Variants in MAPK10 observed in about 807,000 individuals in gnomAD.
MAPK10 encodes JNK3 alpha protein kinase.
A neutral mutation model predicts 59.3 loss-of-function variants in MAPK10; 25 were observed. The observed-to-expected ratio is 0.42, with a 90% CI of 0.31 to 0.59. MAPK10 has a LOEUF of 0.59. MAPK10 is among the 20% of genes least tolerant of loss of function. The pLI, the probability that MAPK10 is intolerant of heterozygous loss-of-function variation, is 0.15. For synonymous variants in MAPK10, 190 were observed against 200.5 expected, an observed-to-expected ratio of 0.95 and a Z score of 0.44; for missense variants, 351 against 568.9, an observed-to-expected ratio of 0.62 and a Z score of 3.90.
intron 1 of MAPK10, among the ~76,000 whole-genome samples, chr4:86,440,885 A>C (rs951594802): frequency 5.9e-5 from 9 of 152,182 alleles, no homozygotes; most frequent in Admixed American, 6.5e-5. Flanking sequence ...AAATATAATA[A>C]TTGATGTTTT....
chr4:86,480,113 A>T (rs546734374), intron 1 of MAPK10, among the ~76,000 whole-genome samples: 23 of 152,294 alleles, frequency 1.5e-4, no homozygotes, highest in Non-Finnish European at 2.6e-4. Flanking sequence ...TGTGACCTGC[A>T]CGTATACACC....
At chr4:86,068,025 T>A in intron 9 of MAPK10, 70 bp from the exon 10 acceptor site, 2 of 1,046,416 alleles carry the variant, frequency 1.9e-6, no homozygotes, top group Non-Finnish European at 2.8e-6. Context: ...GGAGACTAAC[T>A]CTTCTCAAAG....
In MAPK10 at chr4:86,038,203, G is replaced by A. The variant is rs116296798; in HGVS notation, c.1111-6772C>T. 3.0e-3 allele frequency among the ~76,000 whole-genome samples: 455 copies of A among 152,308 alleles called. 4 individuals carry two copies. The highest frequency in any genetic ancestry group is 0.011 in the African/African-American group (446 of 41,574). The stretch of plus-strand genomic sequence containing the variant: ...TCTGAACCATATGACAGTCCATCAA[G>A]TTGTTGGTGTTTGTCTGCTTTGTCC... On this transcript the variant is annotated intron_variant, in intron 11 of 13. Coordinates refer to ENST00000641462, the MANE Select transcript of MAPK10 (RefSeq NM_138982.4).
At chr4:86,534,041 C>T (rs1254590978) in intron 1 of MAPK10, among the ~76,000 whole-genome samples, 1 of 152,164 alleles carries the variant, frequency 6.6e-6, no homozygotes, top group African/African-American at 2.4e-5. Flanking sequence ...GCCATAACCA[C>T]TAAATTTATT....
At chr4:86,440,494 G>A (rs1749274678) in intron 1 of MAPK10, among the ~76,000 whole-genome samples, 1 of 152,040 alleles carries the variant, frequency 6.6e-6, no homozygotes, top group Admixed American at 6.6e-5. Context: ...AGCCAGGCAT[G>A]GTGGCACATG....
chr4:86,213,195 C>G (rs116276344), intron 2 of MAPK10, among the ~76,000 whole-genome samples: 2,406 of 152,120 alleles, frequency 0.016, 76 homozygotes, highest in African/African-American at 0.055. Context: ...TAAGCCACCA[C>G]AAAAGCAATG....
At chr4:86,540,281 C>A (rs1019495799) in intron 1 of MAPK10, among the ~76,000 whole-genome samples, 3 of 152,198 alleles carry the variant, frequency 2.0e-5, no homozygotes, top group African/African-American at 7.2e-5. Flanking sequence ...TGGGCAGATC[C>A]CTTGAGCTCA....
At position 86,101,389 on chromosome 4, in the gene MAPK10, T is replaced by A. The variant is rs939524214; in HGVS notation, c.565-172A>T. ...TACAAATAAGTTAACTATTAGTTTT[T>A]GGAAAGTGTTTTAATCCCAGAAAAG... On this transcript the variant is annotated intron_variant, in intron 7 of 13. Coordinates refer to ENST00000641462, the MANE Select transcript of MAPK10 (RefSeq NM_138982.4). 16 of 531,734 alleles carry A rather than the reference T, an allele frequency of 3.0e-5. No individual in the cohort carries two copies. The Middle Eastern group carries it at 1.5e-3, about 49-fold the overall frequency. 32.9% of individuals were successfully genotyped at this position (531,734 alleles called of 1,614,324 possible). A position where few individuals can be genotyped will look rare whatever the true frequency, so the allele number is the denominator to read the frequency against.
intron 1 of MAPK10, among the ~76,000 whole-genome samples, chr4:86,538,615 G>C (rs192879736): frequency 6.6e-6 from 1 of 152,266 alleles, no homozygotes; most frequent in African/African-American, 2.4e-5. Flanking sequence ...ACTTTGATTA[G>C]AATTGCATTG....
intron 2 of MAPK10, among the ~76,000 whole-genome samples, chr4:86,263,395 G>A (rs986363502): frequency 2.6e-5 from 4 of 152,042 alleles, no homozygotes; most frequent in Non-Finnish European, 4.4e-5. Context: ...ACCCACCATT[G>A]GTGCTCCTGT....
chr4:86,075,994 C>T lies in MAPK10; in HGVS notation c.803-8039G>A, dbSNP rs553468391. Among the ~76,000 whole-genome samples the T allele has an allele frequency of 4.2e-5, 6 of 142,656 alleles. No individual in the cohort carries two copies. In the South Asian group the frequency reaches 8.5e-4, roughly 20 times the overall value. 93.6% of individuals were successfully genotyped at this position (142,656 alleles called of 152,430 possible). ...AATGGCGGGCGCCCCTCCCCCAGCC[C>T]TCCTGGGGCCTTGCAGTTTGATCTC... On this transcript the variant is annotated intron_variant, in intron 9 of 13. Transcript: ENST00000641462.
At chr4:86,090,104 G>A (rs971742875) in intron 9 of MAPK10, among the ~76,000 whole-genome samples, 2 of 151,936 alleles carry the variant, frequency 1.3e-5, no homozygotes, top group African/African-American at 4.8e-5. Flanking sequence ...CAGAGGGAGG[G>A]GCAAAATGGG....
At chr4:86,213,104 A>G (rs1159370505) in intron 2 of MAPK10, among the ~76,000 whole-genome samples, 1 of 152,166 alleles carries the variant, frequency 6.6e-6, no homozygotes, top group South Asian at 2.1e-4. Context: ...CAACCAATGG[A>G]TCAAATAAGA....
At chr4:86,064,500 A>G in intron 10 of MAPK10, 110 bp from the exon 11 acceptor site, 1 of 1,008,940 alleles carries the variant, frequency 9.9e-7, no homozygotes, top group East Asian at 2.5e-5. Context: ...TTCCTTCCAA[A>G]CATCAGGTAA....
At chr4:86,572,919 T>C (rs976232277) in intron 1 of MAPK10, among the ~76,000 whole-genome samples, 3 of 152,214 alleles carry the variant, frequency 2.0e-5, no homozygotes, top group African/African-American at 7.2e-5. Flanking sequence ...ATGTGTTTAT[T>C]TGCTATCTGG....
intron 1 of MAPK10, among the ~76,000 whole-genome samples, chr4:86,378,536 T>C (rs1055513676): frequency 3.3e-5 from 5 of 152,214 alleles, no homozygotes; most frequent in African/African-American, 1.2e-4. Context: ...TCTCCCCCTC[T>C]AAAATGTGTG....
chr4:86,271,593 A>T (rs1024741030), intron 2 of MAPK10, among the ~76,000 whole-genome samples: 1 of 152,100 alleles, frequency 6.6e-6, no homozygotes, highest in African/African-American at 2.4e-5. Context: ...CACGCTGCTA[A>T]TAAAGACATA....
At chr4:86,383,958 G>A (rs534874466) in intron 1 of MAPK10, 2 of 152,102 alleles carry the variant, frequency 1.3e-5, no homozygotes, top group East Asian at 1.9e-4. Context: ...AAATCTCTTT[G>A]CTCTCATTCT....
chr4:86,054,540 CA>C (rs2044176732), intron 11 of MAPK10, among the ~76,000 whole-genome samples: 2 of 152,126 alleles, frequency 1.3e-5, no homozygotes, highest in Admixed American at 6.5e-5. Flanking sequence ...TAGAACTCCA[CA>C]AATGGAATTA....
Sources: gnomAD v4.1 joint callset for allele counts (sites outside exome capture counted in the v4.1 genomes callset) on GRCh38, gnomAD v4.1.1 for gene constraint, MANE v1.5 for transcripts, NCBI Gene and HGNC (gene_info 2026-07-23, HGNC 2026-07-21) for gene names.